The following VASH1 variants were observed in gnomAD, a reference collection of about 807,000 sequenced individuals.
VASH1 encodes tubulinyl-Tyr carboxypeptidase 1.
A neutral mutation model predicts 35.0 loss-of-function variants in VASH1; 16 were observed. That is an observed-to-expected ratio of 0.46 (90% CI 0.31 to 0.70). The LOEUF (loss-of-function observed/expected upper bound fraction) is 0.70. Ranked by LOEUF, VASH1 falls within the 30% of genes least tolerant of loss-of-function variation. The probability of loss-of-function intolerance (pLI) is 0.05; values close to 1 mark genes in which losing one functional copy is unlikely to be tolerated. For synonymous variants in VASH1, 214 were observed against 200.9 expected (o/e 1.07, Z -0.55); for missense variants, 505 against 510.7 (o/e 0.99, Z 0.11).
chr14:76,779,615 G>A lies in VASH1; in HGVS notation c.*597G>A, dbSNP rs751621373. 17 of 619,390 alleles carry A rather than the reference G, an allele frequency of 2.7e-5. No homozygotes were observed. The highest frequency in any genetic ancestry group is 5.4e-5 in the Admixed American group (2 of 36,768). The allele number at this position is 619,390 out of a possible 1,614,324, so 38.4% of individuals were successfully genotyped here. The stretch of plus-strand genomic sequence containing the variant: ...ACATCTGCCCCAAGAGCATGAGCTC[G>A]TGGCTCAGGAGAGCCTTCAGGCCCT... On this transcript the variant is annotated 3_prime_UTR_variant, in exon 7 of 7. Coordinates refer to ENST00000167106, the MANE Select transcript of VASH1 (RefSeq NM_014909.5).
chr14:76,771,153 C>T, intron 2 of VASH1, 37 bp from the exon 3 acceptor site: 1 of 1,518,664 alleles, frequency 6.6e-7, no homozygotes, highest in South Asian at 1.3e-5. Flanking sequence ...CAACCTCCTT[C>T]AGGCCAAGCT....
intron 4 of VASH1, chr14:76,774,488 G>A (rs1361659954): frequency 1.3e-5 from 2 of 152,260 alleles, no homozygotes; most frequent in Admixed American, 6.5e-5. Flanking sequence ...TTCCCCAGGA[G>A]GACACACAGA....
intron 1 of VASH1, chr14:76,769,546 G>A: frequency 8.1e-7 from 1 of 1,235,104 alleles, no homozygotes; most frequent in South Asian, 1.3e-5. Context: ...TGAGAAGATG[G>A]GACCCCGGAT....
chr14:76,768,841 G>C (rs928745862), intron 1 of VASH1, among the ~76,000 whole-genome samples: 22 of 152,324 alleles, frequency 1.4e-4, no homozygotes, highest in African/African-American at 4.6e-4. Context: ...CCGGGTGGAG[G>C]CTTGGGGGCA....
chr14:76,775,049 C>G (rs4903489), intron 4 of VASH1: 1 of 152,182 alleles, frequency 6.6e-6, no homozygotes, highest in Non-Finnish European at 1.5e-5. Context: ...CCCATTTGTT[C>G]GAGAACTTTC....
At chr14:76,769,453 G>T (rs189016487) in intron 1 of VASH1, 1 of 1,288,984 alleles carries the variant, frequency 7.8e-7, no homozygotes, top group South Asian at 1.2e-5. Context: ...AAGGCATGGC[G>T]AATATGCCCA....
At chr14:76,771,134 A>AG in intron 2 of VASH1, 56 bp from the exon 3 acceptor site, 1 of 1,470,280 alleles carries the variant, frequency 6.8e-7, no homozygotes, top group Non-Finnish European at 9.1e-7. Flanking sequence ...ATAGGCAGGA[A>AG]GAGAGGGTCA....
Position 76,779,718 on chromosome 14 carries a change from A to G in VASH1, c.*700A>G. ...GAGCCCAGGGAAGGACCTCTGGGCA[A>G]AAAGTTCCCAGGCCCTAACTGCGTC... On this transcript the variant is annotated 3_prime_UTR_variant, in exon 7 of 7. Transcript: ENST00000167106. 1 of 586,910 alleles carries G rather than the reference A, an allele frequency of 1.7e-6. No homozygotes were observed. Among genetic ancestry groups the G allele is most frequent in the Non-Finnish European group, 3.0e-6 (1 of 331,630 alleles). 36.4% of individuals were successfully genotyped at this position (586,910 alleles called of 1,614,324 possible).
chr14:76,773,094 G>A (rs183270012), intron 3 of VASH1, 43 bp from the exon 4 acceptor site: 4 of 1,596,330 alleles, frequency 2.5e-6, no homozygotes, highest in East Asian at 2.2e-5. Flanking sequence ...CCCTGGAGGG[G>A]CTGGAGGCGC....
rs138788628 is a variant in VASH1, at chr14:76,768,612, T to C, written c.310-1351T>C. 3.0e-3 allele frequency among the ~76,000 whole-genome samples: 455 copies of C among 152,280 alleles called. 4 individuals carry two copies. The highest frequency in any genetic ancestry group is 0.01 in the African/African-American group (433 of 41,546). On this transcript the variant is annotated intron_variant, in intron 1 of 6. Coordinates refer to ENST00000167106, the MANE Select transcript of VASH1 (RefSeq NM_014909.5). ...TGTGCAGTGATAACTGGAGTGTCAC[T>C]TCCCTCCTTGTCAGAGCCCCAGCCA... is the stretch of plus-strand genomic sequence containing the variant.
Position 76,778,057 on chromosome 14 carries a change from C to CCGCAGTGAAAGA in VASH1, c.1014_1025dup (p.Ser339_Arg342dup). 6.6e-7 allele frequency: 1 copy of CCGCAGTGAAAGA among 1,505,174 alleles called. No homozygotes were observed. Among genetic ancestry groups the CCGCAGTGAAAGA allele is most frequent in the Non-Finnish European group, 8.9e-7 (1 of 1,127,826 alleles). The allele number at this position is 1,505,174 out of a possible 1,614,324, so 93.2% of individuals were successfully genotyped here. On this transcript the variant is annotated inframe_insertion, in exon 6 of 7. Coordinates refer to ENST00000167106, the MANE Select transcript of VASH1 (RefSeq NM_014909.5). ...AGTCCAGCCCCCACCGCAGGAACAG[C>CCGCAGTGAAAGA]CGCAGTGAAAGACGGTGAGAGAGGG...
intron 5 of VASH1, among the ~76,000 whole-genome samples, chr14:76,777,149 A>G (rs546655522): frequency 6.6e-6 from 1 of 152,294 alleles, no homozygotes. Flanking sequence ...TGTAAGAGCT[A>G]CGGCTGCCCT....
At position 76,782,272 on chromosome 14, in the gene VASH1, A is replaced by G. The variant is rs1253343991; in HGVS notation, c.*3254A>G. Reference sequence around the variant, plus strand: ...CTAGCAGGGCCAAGATGGGGACAGCAGCAGCCCTCTGGCCTTGGGATGTGA... The same window carrying G: ...CTAGCAGGGCCAAGATGGGGACAGCGGCAGCCCTCTGGCCTTGGGATGTGA... On this transcript the variant is annotated 3_prime_UTR_variant, in exon 7 of 7. Coordinates refer to ENST00000167106, the MANE Select transcript of VASH1 (RefSeq NM_014909.5). 6.6e-6 allele frequency: 1 copy of G among 152,372 alleles called. No individual in the cohort carries two copies. The highest frequency in any genetic ancestry group is 1.5e-5 in the Non-Finnish European group (1 of 68,170). The allele number at this position is 152,372 out of a possible 1,614,324, so 9.4% of individuals were successfully genotyped here.
In VASH1 at chr14:76,781,072, G is replaced by A. The variant is rs1007375537; in HGVS notation, c.*2054G>A. On this transcript the variant is annotated 3_prime_UTR_variant, in exon 7 of 7. Transcript: ENST00000167106. ...ATGGTGCCTTTGAAGCAAAGAGGAA[G>A]GGAAGGCAGAACCAGGGATGCCTTT... 1 of 152,470 alleles carries A rather than the reference G, an allele frequency of 6.6e-6. No homozygotes were observed. The highest frequency in any genetic ancestry group is 2.4e-5 in the African/African-American group (1 of 41,454). The allele number at this position is 152,470 out of a possible 1,614,324, so 9.4% of individuals were successfully genotyped here.
rs1566680443 is a variant in VASH1, at chr14:76,762,947, TGAG to T, written c.130_132del (p.Glu44del). 5 of 1,565,708 alleles carry T rather than the reference TGAG, an allele frequency of 3.2e-6. No homozygotes were observed. The highest frequency in any genetic ancestry group is 4.7e-5 in the East Asian group (2 of 42,882). On this transcript the variant is annotated inframe_deletion, in exon 1 of 7. Coordinates refer to ENST00000167106, the MANE Select transcript of VASH1 (RefSeq NM_014909.5). ...GCGAAGGAACCTCAGCCCAGAGAGATGAGGAGCCAGAAGAGGAAGGGGAAGAGG... is the reference window on the plus strand; with the variant it reads ...GCGAAGGAACCTCAGCCCAGAGAGATGAGCCAGAAGAGGAAGGGGAAGAGG...
Position 76,776,277 on chromosome 14 carries a change from T to G in VASH1, c.912+4T>G. The G allele has an allele frequency of 6.3e-7, 1 of 1,580,092 alleles. No homozygotes were observed. Among genetic ancestry groups the G allele is most frequent in the Non-Finnish European group, 8.6e-7 (1 of 1,167,112 alleles). On this transcript the variant is annotated splice_donor_region_variant and intron_variant, in intron 5 of 6. Coordinates refer to ENST00000167106, the MANE Select transcript of VASH1 (RefSeq NM_014909.5). The stretch of plus-strand genomic sequence containing the variant: ...CGCCCGCGACATGCGGCTCAAGGTC[T>G]GCCCGCCTTCCACGCCCTCGCCCCC...
chr14:76,776,264 G>A lies in VASH1; in HGVS notation c.903G>A (p.Met301Ile). The A allele has an allele frequency of 1.9e-6, 3 of 1,592,114 alleles. No homozygotes were observed. The highest frequency in any genetic ancestry group is 2.6e-6 in the Non-Finnish European group (3 of 1,172,588). The change falls in exon 5 of 7, where the codon ATG becomes ATA. Residue 301 changes from methionine to isoleucine, a missense_variant. Physicochemically the swap from Met to Ile is conservative, Grantham distance 10. Transcript: ENST00000167106. ...RKELERHARD[M>I]RLKIGKGTGP... ...AGCTGGAGCGCCACGCCCGCGACAT[G>A]CGGCTCAAGGTCTGCCCGCCTTCCA...
rs1894138696 is a variant in VASH1, at chr14:76,782,516, A to C, written c.*3498A>C. 6.6e-6 allele frequency: 1 copy of C among 152,288 alleles called. No individual in the cohort carries two copies. Among genetic ancestry groups the C allele is most frequent in the South Asian group, 2.1e-4 (1 of 4,834 alleles). 9.4% of individuals were successfully genotyped at this position (152,288 alleles called of 1,614,324 possible). On this transcript the variant is annotated 3_prime_UTR_variant, in exon 7 of 7. Transcript: ENST00000167106. The stretch of plus-strand genomic sequence containing the variant: ...CAGCTGCAGCAACATCTGTGAGCCC[A>C]GTGTCTGCCCTGTGTCCCTGGGCTC...
chr14:76,762,701 C>T lies in VASH1; in HGVS notation c.-121C>T, dbSNP rs1362829530. On this transcript the variant is annotated 5_prime_UTR_variant, in exon 1 of 7. Coordinates refer to ENST00000167106, the MANE Select transcript of VASH1 (RefSeq NM_014909.5). Reference sequence around the variant, plus strand: ...CGTATTTTATTGTACAGGAGCCACGCCCTGATTTCTTAAAGGCGCCTTGCA... The same window carrying T: ...CGTATTTTATTGTACAGGAGCCACGTCCTGATTTCTTAAAGGCGCCTTGCA... 5.9e-6 allele frequency: 5 copies of T among 844,016 alleles called. No homozygotes were observed. Among genetic ancestry groups the T allele is most frequent in the Non-Finnish European group, 8.6e-6 (5 of 582,550 alleles). The allele number at this position is 844,016 out of a possible 1,614,324, so 52.3% of individuals were successfully genotyped here. A position where few individuals can be genotyped will look rare whatever the true frequency, so the allele number is the denominator to read the frequency against.
Sources: gnomAD v4.1 joint callset for allele counts (sites outside exome capture counted in the v4.1 genomes callset) on GRCh38, gnomAD v4.1.1 for gene constraint, MANE v1.5 for transcripts, NCBI Gene and HGNC (gene_info 2026-07-23, HGNC 2026-07-21) for gene names.